Variants in IL1RAPL2 observed in about 807,000 individuals in gnomAD.
The protein encoded by IL1RAPL2 is interleukin 1 receptor accessory protein like 2, also known as X-linked interleukin-1 receptor accessory protein-like 2.
IL1RAPL2 carries 3 observed loss-of-function variants against 44.1 expected under a neutral mutation model. The observed-to-expected ratio is 0.07, with a 90% CI of 0.03 to 0.18. The LOEUF (loss-of-function observed/expected upper bound fraction) is 0.18. IL1RAPL2 is among the 10% of genes least tolerant of loss of function. IL1RAPL2 has a pLI of 1.00. For synonymous variants in IL1RAPL2, 181 were observed against 178.8 expected (o/e 1.01, Z -0.10); for missense variants, 391 against 496.4 (o/e 0.79, Z 2.02).
At chrX:105,069,218 T>A (rs774993793) in intron 2 of IL1RAPL2, among the ~76,000 whole-genome samples, 155 of 112,888 alleles carry the variant, frequency 1.4e-3, no homozygotes, top group Non-Finnish European at 2.6e-3. Flanking sequence ...CAGTGGCAAA[T>A]CAGAGTCATC....
chrX:104,787,643 G>A (rs1932805717), intron 2 of IL1RAPL2, among the ~76,000 whole-genome samples: 1 of 111,322 alleles, frequency 9.0e-6, no homozygotes, highest in Admixed American at 9.6e-5. Flanking sequence ...CTTACATGTG[G>A]GAATGACTGG....
At chrX:104,867,511 C>T (rs993214819) in intron 2 of IL1RAPL2, among the ~76,000 whole-genome samples, 17 of 111,425 alleles carry the variant, frequency 1.5e-4, no homozygotes, top group African/African-American at 2.6e-4. Context: ...ACAAGAACTG[C>T]GACGGATGCT....
chrX:105,184,108 T>C (rs193032763), intron 2 of IL1RAPL2, among the ~76,000 whole-genome samples: 1 of 111,937 alleles, frequency 8.9e-6, no homozygotes, highest in Admixed American at 9.4e-5. Context: ...TTCCCCCACA[T>C]TGGAGAGTCT....
chrX:105,303,846 C>T (rs998235585), intron 5 of IL1RAPL2, among the ~76,000 whole-genome samples: 2 of 112,539 alleles, frequency 1.8e-5, no homozygotes, highest in East Asian at 2.8e-4. Context: ...ACAGGATCTC[C>T]GAAGAGGTCA....
At chrX:105,712,509 A>G (rs759272610) in intron 6 of IL1RAPL2, among the ~76,000 whole-genome samples, 43 of 111,675 alleles carry the variant, frequency 3.9e-4, no homozygotes, top group Admixed American at 1.0e-3. Context: ...CAGGAAACTA[A>G]CAATTATGGT....
chrX:105,422,696 C>T (rs939511991), intron 5 of IL1RAPL2, among the ~76,000 whole-genome samples: 2 of 111,531 alleles, frequency 1.8e-5, no homozygotes, highest in African/African-American at 3.3e-5. Flanking sequence ...GGATCAGCAA[C>T]GTTTTAAGCA....
rs567277246 is a variant in IL1RAPL2 at position 104,909,959 on chromosome X, A to C, written c.82+250964A>C. 2.2e-3 allele frequency among the ~76,000 whole-genome samples: 252 copies of C among 112,377 alleles called. 2 individuals carry two copies. The highest frequency in any genetic ancestry group is 9.3e-3 in the Middle Eastern group (2 of 216). On this transcript the variant is annotated intron_variant, in intron 2 of 10. Coordinates refer to ENST00000372582, the MANE Select transcript of IL1RAPL2 (RefSeq NM_017416.2). ...GGGCGCCCCTCCGCCAGCCTCGCTG[A>C]CGCCTTGCAGTTTGATCTCAGACTG...
chrX:104,892,693 A>C (rs1923497122), intron 2 of IL1RAPL2, among the ~76,000 whole-genome samples: 1 of 110,345 alleles, frequency 9.1e-6, no homozygotes, highest in Non-Finnish European at 1.9e-5. Flanking sequence ...TTTCTTCTTT[A>C]TTAGTCTTGC....
intron 2 of IL1RAPL2, among the ~76,000 whole-genome samples, chrX:104,684,827 G>T (rs1042832532): frequency 2.7e-5 from 3 of 112,194 alleles, no homozygotes; most frequent in African/African-American, 6.5e-5. Flanking sequence ...TGTATTCAGG[G>T]TTCGTTTGAC....
Position 104,797,190 on chromosome X carries a change from C to G in IL1RAPL2, c.82+138195C>G, listed in dbSNP as rs1279564581. On this transcript the variant is annotated intron_variant, in intron 2 of 10. Coordinates refer to ENST00000372582, the MANE Select transcript of IL1RAPL2 (RefSeq NM_017416.2). ...AAGTTGTAATGATCTCTTCAGCCCC[C>G]CCCCCCCCCCCGCAAAGTAATGTTT... is the stretch of plus-strand genomic sequence containing the variant. 6.4e-4 allele frequency among the ~76,000 whole-genome samples: 19 copies of G among 29,773 alleles called. 3 individuals are homozygous for G. The highest frequency in any genetic ancestry group is 9.6e-4 in the Non-Finnish European group (16 of 16,606). The allele number at this position is 29,773 out of a possible 115,157, so 25.9% of individuals were successfully genotyped here. A position where few individuals can be genotyped will look rare whatever the true frequency, so the allele number is the denominator to read the frequency against.
chrX:105,228,884 G>T (rs781982159), intron 3 of IL1RAPL2, among the ~76,000 whole-genome samples: 2 of 112,078 alleles, frequency 1.8e-5, no homozygotes, highest in Non-Finnish European at 3.8e-5. Flanking sequence ...TCCTGTAAGG[G>T]ATACTTACCC....
chrX:105,397,017 G>A (rs73527107), intron 5 of IL1RAPL2, among the ~76,000 whole-genome samples: 20,881 of 108,952 alleles, frequency 0.19, 5,048 homozygotes, highest in African/African-American at 0.67. Flanking sequence ...TTAGATTTTC[G>A]TAGCAGCACA....
At chrX:104,842,864 G>T (rs777064710) in intron 2 of IL1RAPL2, among the ~76,000 whole-genome samples, 1 of 112,707 alleles carries the variant, frequency 8.9e-6, no homozygotes, top group Admixed American at 9.3e-5. Flanking sequence ...CAGGAGGCAC[G>T]GGGGTCAGGT....
chrX:105,334,933 A>G (rs771053406), intron 5 of IL1RAPL2, among the ~76,000 whole-genome samples: 1 of 111,608 alleles, frequency 9.0e-6, no homozygotes, highest in South Asian at 3.8e-4. Context: ...TATATTTTAT[A>G]TAGAGGTTTT....
intron 5 of IL1RAPL2, among the ~76,000 whole-genome samples, chrX:105,315,113 C>T (rs1030617906): frequency 9.0e-6 from 1 of 111,285 alleles, no homozygotes; most frequent in African/African-American, 3.3e-5. Flanking sequence ...TGCTTTCATC[C>T]ACTTGTGGAA....
rs946465622 is a variant in IL1RAPL2, at chrX:104,642,733, C to T, written c.-19-16162C>T. On this transcript the variant is annotated intron_variant, in intron 1 of 10. Coordinates refer to ENST00000372582, the MANE Select transcript of IL1RAPL2 (RefSeq NM_017416.2). ...AACTCCTGATCTTGTGGTCTGCCAA[C>T]CTCGGCCTCCCAAAGTGCTGGGATT... Among the ~76,000 whole-genome samples the T allele has an allele frequency of 6.3e-5, 7 of 111,815 alleles. No individual in the cohort carries two copies. In the South Asian group the frequency reaches 1.5e-3, roughly 24 times the overall value.
At chrX:105,658,957 G>A (rs867440078) in intron 6 of IL1RAPL2, among the ~76,000 whole-genome samples, 3 of 85,664 alleles carry the variant, frequency 3.5e-5, no homozygotes, top group South Asian at 6.7e-4. Flanking sequence ...GCAAGACTCC[G>A]TCTCAAAAAA....
intron 2 of IL1RAPL2, among the ~76,000 whole-genome samples, chrX:105,035,071 G>A (rs747808949): frequency 6.3e-5 from 7 of 111,677 alleles, no homozygotes; most frequent in African/African-American, 9.8e-5. Context: ...CTGGTGTGCC[G>A]TTTTTTTAAG....
chrX:105,220,014 C>A (rs782628378), intron 3 of IL1RAPL2: 3 of 1,210,578 alleles, frequency 2.5e-6, no homozygotes, highest in Non-Finnish European at 3.4e-6. Context: ...CCATTCTTAG[C>A]CGGGAGGCCG....
Sources: allele counts gnomAD v4.1 joint callset (sites outside exome capture counted in the v4.1 genomes callset), GRCh38; gene constraint gnomAD v4.1.1; transcripts MANE v1.5; gene names NCBI Gene and HGNC (gene_info 2026-07-23, HGNC 2026-07-21).